The following PSMA6 variants were observed in gnomAD, a reference collection of about 807,000 sequenced individuals.
The protein encoded by PSMA6 is proteasome subunit alpha type-6.
For synonymous variants in PSMA6, 88 were observed against 97.7 expected, an observed-to-expected ratio of 0.90 and a Z score of 0.59; for missense variants, 170 against 294.8, an observed-to-expected ratio of 0.58 and a Z score of 3.10.
intron 1 of PSMA6, among the ~76,000 whole-genome samples, chr14:35,294,989 A>G (rs550848626): frequency 6.6e-6 from 1 of 152,284 alleles, no homozygotes; most frequent in South Asian, 2.1e-4. Context: ...TTGGGACTCA[A>G]AAGATAAATG....
At chr14:35,303,807 A>G (rs1301591472) in intron 1 of PSMA6, among the ~76,000 whole-genome samples, 1 of 152,200 alleles carries the variant, frequency 6.6e-6, no homozygotes, top group Non-Finnish European at 1.5e-5. Flanking sequence ...GAACATGTAC[A>G]GATTTTTTTC....
intron 1 of PSMA6, among the ~76,000 whole-genome samples, chr14:35,300,479 A>T: frequency 6.6e-6 from 1 of 152,144 alleles, no homozygotes; most frequent in Non-Finnish European, 1.5e-5. Context: ...CTCAGAAAAG[A>T]AAATAAAAAG....
chr14:35,293,325 A>T (rs1278213912), intron 1 of PSMA6: 1 of 238,470 alleles, frequency 4.2e-6, no homozygotes, highest in South Asian at 4.4e-5. Flanking sequence ...GAAAGAAACT[A>T]TCAGTTACTC....
chr14:35,312,908 A>G lies in PSMA6; in HGVS notation c.437A>G (p.Glu146Gly). Residue 146 changes from glutamate to glycine, a missense_variant, in exon 5 of 7, where the codon GAG (glutamate) becomes GGG (glycine). Glu to Gly is a moderately conservative substitution (Grantham distance 98). Transcript: ENST00000261479. ...ATGATTTTAATTGGTATAGATGAAG[A>G]GCAAGGCCCTCAGGTATATAAGTGT... Reference protein sequence around the residue: ...CCMILIGIDEEQGPQVYKCDP... With the variant: ...CCMILIGIDEGQGPQVYKCDP... 1.3e-6 allele frequency: 2 copies of G among 1,595,108 alleles called. No homozygotes were observed. Among genetic ancestry groups the G allele is most frequent in the Non-Finnish European group, 1.7e-6 (2 of 1,173,384 alleles).
chr14:35,300,487 A>T (rs2051690990), intron 1 of PSMA6, among the ~76,000 whole-genome samples: 1 of 152,034 alleles, frequency 6.6e-6, no homozygotes, highest in African/African-American at 2.4e-5. Context: ...AGAAAATAAA[A>T]AGGGGACTGG....
chr14:35,295,683 T>C (rs1346006178), intron 1 of PSMA6, among the ~76,000 whole-genome samples: 1 of 152,086 alleles, frequency 6.6e-6, no homozygotes, highest in Non-Finnish European at 1.5e-5. Flanking sequence ...AACTCCTGAC[T>C]TCAGGTGATC....
At chr14:35,309,222 A>G (rs1384924037) in intron 3 of PSMA6, among the ~76,000 whole-genome samples, 1 of 152,170 alleles carries the variant, frequency 6.6e-6, no homozygotes, top group Non-Finnish European at 1.5e-5. Flanking sequence ...CTGTCGGAGA[A>G]ACTGGGCTGA....
rs543745551 is a variant in PSMA6 at position 35,315,095 on chromosome 14, G to T, written c.683+640G>T. 3 of 152,094 alleles carry T rather than the reference G, an allele frequency of 2.0e-5. No individual in the cohort carries two copies. In the East Asian group the frequency reaches 5.8e-4, roughly 29 times the overall value. 9.4% of individuals were successfully genotyped at this position (152,094 alleles called of 1,614,324 possible). A position where few individuals can be genotyped will look rare whatever the true frequency, so the allele number is the denominator to read the frequency against. The stretch of plus-strand genomic sequence containing the variant: ...CTCATTTAATCCTCCCAGCAGCCCT[G>T]TGAGGCAGTTGATATACCATGGACC... On this transcript the variant is annotated intron_variant, in intron 6 of 6. Transcript: ENST00000261479.
intron 1 of PSMA6, among the ~76,000 whole-genome samples, chr14:35,286,347 GC>G (rs2051421598): frequency 6.6e-6 from 1 of 152,186 alleles, no homozygotes; most frequent in Non-Finnish European, 1.5e-5. Context: ...GTGTTAACAT[GC>G]CTAAGGGGAA....
intron 1 of PSMA6, 198 bp downstream of exon 1, chr14:35,292,750 G>C: frequency 9.5e-7 from 1 of 1,052,580 alleles, no homozygotes; most frequent in Non-Finnish European, 1.3e-6. Context: ...CTGAAGGCCT[G>C]TCTCTGCAGG....
At chr14:35,289,150 A>T (rs545485405), upstream of PSMA6, among the ~76,000 whole-genome samples, 3 of 152,180 alleles carry the variant, frequency 2.0e-5, no homozygotes, top group Non-Finnish European at 4.4e-5. Flanking sequence ...ATAAAAAAGG[A>T]TGAACTAACT....
At chr14:35,311,359 T>C (rs2051941495) in intron 4 of PSMA6, among the ~76,000 whole-genome samples, 1 of 152,242 alleles carries the variant, frequency 6.6e-6, no homozygotes, top group African/African-American at 2.4e-5. Context: ...GGGAGAGGGA[T>C]GAGATTTACT....
intron 1 of PSMA6, among the ~76,000 whole-genome samples, chr14:35,296,025 GTGTA>G (rs1290760327): frequency 6.6e-6 from 1 of 152,150 alleles, no homozygotes; most frequent in Non-Finnish European, 1.5e-5. Context: ...TGCTTGACAG[GTGTA>G]TGTGAGCACT....
intron 1 of PSMA6, among the ~76,000 whole-genome samples, chr14:35,303,884 A>G (rs1258997816): frequency 6.6e-6 from 1 of 151,792 alleles, no homozygotes. Context: ...TAGCTAGTGT[A>G]GTGTAAGCTA....
At chr14:35,286,689 T>G (rs2051425103) in intron 1 of PSMA6, among the ~76,000 whole-genome samples, 1 of 152,168 alleles carries the variant, frequency 6.6e-6, no homozygotes, top group Non-Finnish European at 1.5e-5. Context: ...TTATTCCCTC[T>G]CAAACCAAAG....
In PSMA6 at chr14:35,283,695, G is replaced by A. The variant is rs185874834; in HGVS notation, c.19+4977G>A. 1.8e-3 allele frequency among the ~76,000 whole-genome samples: 268 copies of A among 151,606 alleles called. 1 individual carries two copies. Among genetic ancestry groups the A allele is most frequent in the African/African-American group, 6.1e-3 (251 of 41,310 alleles). On this transcript the variant is annotated intron_variant, in intron 1 of 6. Coordinates refer to the PSMA6 transcript ENST00000540871. ...CTCAGCCTCCCAAGTAACTGGGACCGCTGGCACACACCCTATAAGGTGGAC... is the reference window on the plus strand; with the variant it reads ...CTCAGCCTCCCAAGTAACTGGGACCACTGGCACACACCCTATAAGGTGGAC...
intron 1 of PSMA6, among the ~76,000 whole-genome samples, chr14:35,282,686 C>G (rs2051379152): frequency 6.6e-6 from 1 of 152,048 alleles, no homozygotes; most frequent in Admixed American, 6.5e-5. Flanking sequence ...TTCCCCCCAT[C>G]TCTACAAAAA....
At position 35,292,471 on chromosome 14, in the gene PSMA6, A is replaced by G; in HGVS notation, c.-6A>G. 1.9e-6 allele frequency: 3 copies of G among 1,613,264 alleles called. No homozygotes were observed. The highest frequency in any genetic ancestry group is 2.5e-6 in the Non-Finnish European group (3 of 1,179,566). ...GGATTGTGTTTAAAGTAGTGCTTCT[A>G]CCAACATGTCCCGTGGTTCCAGCGC... On this transcript the variant is annotated 5_prime_UTR_variant, in exon 1 of 7. Transcript: ENST00000261479.
intron 1 of PSMA6, 65 bp from the exon 2 acceptor site, chr14:35,307,929 A>G (rs1275785632): frequency 1.3e-5 from 19 of 1,464,468 alleles, no homozygotes; most frequent in African/African-American, 4.2e-5. Context: ...TTTAATGACT[A>G]TTATTTCATT....
Sources: allele counts gnomAD v4.1 joint callset (sites outside exome capture counted in the v4.1 genomes callset), GRCh38; gene constraint gnomAD v4.1.1; transcripts MANE v1.5; gene names NCBI Gene and HGNC (gene_info 2026-07-23, HGNC 2026-07-21).